Variants in VRK3 observed in about 807,000 individuals in gnomAD.
VRK3 encodes the protein VRK serine/threonine kinase 3.
In VRK3, 50 loss-of-function variants were observed where a neutral mutation model predicts 60.4. The ratio of observed to expected loss-of-function variants is 0.83; its 90% confidence interval spans 0.66 to 1.05. The LOEUF is 1.05. VRK3 is among the 50% of genes least tolerant of loss of function. The pLI is 0.00. For synonymous variants in VRK3, 246 were observed against 227.8 expected (o/e 1.08, Z -0.72); for missense variants, 549 against 585.3 (o/e 0.94, Z 0.64).
intron 11 of VRK3, 117 bp from the exon 12 acceptor site, chr19:49,988,609 C>A: frequency 1.4e-6 from 2 of 1,382,264 alleles, no homozygotes; most frequent in Admixed American, 2.6e-5. Context: ...ATACACCCAG[C>A]CTTCCAGCCA....
At chr19:50,017,434 C>T (rs1403895513) in intron 2 of VRK3, among the ~76,000 whole-genome samples, 3 of 146,602 alleles carry the variant, frequency 2.0e-5, no homozygotes, top group East Asian at 2.1e-4. Flanking sequence ...ATTAGCCAGG[C>T]GTGGTGGTGC....
intron 3 of VRK3, among the ~76,000 whole-genome samples, chr19:50,012,579 C>T (rs1018040299): frequency 2.0e-5 from 3 of 152,070 alleles, no homozygotes; most frequent in Non-Finnish European, 4.4e-5. Flanking sequence ...TCTAGGTTAG[C>T]ATTAGGAAAG....
intron 12 of VRK3, among the ~76,000 whole-genome samples, chr19:49,982,760 C>T (rs1191288838): frequency 6.6e-6 from 1 of 152,198 alleles, no homozygotes; most frequent in Non-Finnish European, 1.5e-5. Context: ...CATACACACA[C>T]ATACACATAT....
At chr19:50,014,254 C>T (rs369170238) in intron 3 of VRK3, among the ~76,000 whole-genome samples, 1 of 150,582 alleles carries the variant, frequency 6.6e-6, no homozygotes, top group East Asian at 1.9e-4. Flanking sequence ...GGTGACAGAG[C>T]GAGACTGTTT....
chr19:49,988,893 G>C (rs1403318399), intron 11 of VRK3, among the ~76,000 whole-genome samples: 1 of 152,198 alleles, frequency 6.6e-6, no homozygotes, highest in Non-Finnish European at 1.5e-5. Flanking sequence ...AAAGGACACA[G>C]AACACACGGG....
chr19:49,994,221 A>G (rs2076661490), intron 9 of VRK3, among the ~76,000 whole-genome samples: 1 of 152,090 alleles, frequency 6.6e-6, no homozygotes, highest in Admixed American at 6.6e-5. Context: ...TTCTATTCAG[A>G]GCACTTGTCA....
chr19:50,006,328 A>AAAT (rs915914623), intron 5 of VRK3, among the ~76,000 whole-genome samples: 8 of 151,400 alleles, frequency 5.3e-5, no homozygotes, highest in African/African-American at 1.5e-4. Flanking sequence ...AAAAAATAAT[A>AAAT]AATAATAATA....
chr19:50,007,243 C>T (rs1337355392), intron 5 of VRK3, among the ~76,000 whole-genome samples: 1 of 152,166 alleles, frequency 6.6e-6, no homozygotes, highest in Non-Finnish European at 1.5e-5. Context: ...CCATCCTTAA[C>T]ATGCAGCCCC....
chr19:50,023,873 G>T (rs574735637), intron 1 of VRK3, among the ~76,000 whole-genome samples: 1 of 152,350 alleles, frequency 6.6e-6, no homozygotes, highest in East Asian at 1.9e-4. Flanking sequence ...CTTAGAAGCA[G>T]ATCAGTACAG....
intron 7 of VRK3, 22 bp downstream of exon 7, chr19:49,997,482 T>C: frequency 2.5e-6 from 4 of 1,613,168 alleles, no homozygotes; most frequent in African/African-American, 1.3e-5. Context: ...CTCCCCTCCT[T>C]GCCCAGTTCC....
At chr19:50,022,591 G>C (rs2077188889) in intron 1 of VRK3, among the ~76,000 whole-genome samples, 1 of 151,940 alleles carries the variant, frequency 6.6e-6, no homozygotes, top group East Asian at 1.9e-4. Flanking sequence ...TTCCAGACCA[G>C]CCTGGACAAC....
At chr19:50,012,347 T>C (rs62115175) in intron 3 of VRK3, among the ~76,000 whole-genome samples, 304 of 152,318 alleles carry the variant, frequency 2.0e-3, no homozygotes, top group Admixed American at 5.2e-3. Flanking sequence ...GAAAAGCATG[T>C]TCCCTTATAT....
rs765395741 is a variant in VRK3 at position 50,000,863 on chromosome 19, GAACA to G, written c.548-13_548-10del. On this transcript the variant is annotated splice_polypyrimidine_tract_variant and intron_variant, in intron 5 of 14. Transcript: ENST00000316763. The stretch of plus-strand genomic sequence containing the variant: ...GGTGGAGGTGGGTGCAGCTGTGGGG[GAACA>G]AACAAGGGAGTGAGGTTATAACCAC... 28 of 1,611,986 alleles carry G rather than the reference GAACA, an allele frequency of 1.7e-5. No individual in the cohort carries two copies. In the South Asian group the frequency reaches 3.1e-4, roughly 18 times the overall value.
At chr19:49,981,305 G>T (rs1051511411) in intron 12 of VRK3, 84 of 368,176 alleles carry the variant, frequency 2.3e-4, no homozygotes, top group African/African-American at 1.6e-3. Flanking sequence ...CCAACACTTT[G>T]GGAGGCCGAG....
intron 11 of VRK3, 88 bp from the exon 12 acceptor site, chr19:49,988,580 C>A (rs2076558193): frequency 8.6e-6 from 13 of 1,512,768 alleles, no homozygotes; most frequent in Non-Finnish European, 1.1e-5. Flanking sequence ...CTCTCTCTCA[C>A]TGACTCAACC....
intron 10 of VRK3, 30 bp downstream of exon 10, chr19:49,992,830 C>A: frequency 6.2e-7 from 1 of 1,605,124 alleles, no homozygotes; most frequent in Non-Finnish European, 8.5e-7. Flanking sequence ...GCCCAGAGAT[C>A]TTCCAGAGTG....
At chr19:49,978,988 G>T in intron 14 of VRK3, 95 bp downstream of exon 14, 1 of 1,355,474 alleles carries the variant, frequency 7.4e-7, no homozygotes, top group Non-Finnish European at 9.9e-7. Flanking sequence ...TGGTATGAAC[G>T]TGGAACAGCC....
At chr19:49,997,638 C>A in intron 6 of VRK3, 68 bp from the exon 7 acceptor site, 3 of 1,571,584 alleles carry the variant, frequency 1.9e-6, no homozygotes, top group Non-Finnish European at 2.6e-6. Context: ...CCAGTCCCCA[C>A]TGGCAATTTG....
Position 49,984,675 on chromosome 19 carries a change from C to G in VRK3, c.1218-3662G>C, listed in dbSNP as rs143193735. ...TGAGACAGGGTCTCACTATGTTGCCCAGGCTGGAGTGCAGTGACAATCACA... is the reference window on the plus strand; with the variant it reads ...TGAGACAGGGTCTCACTATGTTGCCGAGGCTGGAGTGCAGTGACAATCACA... On this transcript the variant is annotated intron_variant, in intron 12 of 14. Coordinates refer to ENST00000316763, the MANE Select transcript of VRK3 (RefSeq NM_016440.4). 8.6e-3 allele frequency among the ~76,000 whole-genome samples: 1,307 copies of G among 152,264 alleles called. 16 individuals carry two copies. The highest frequency in any genetic ancestry group is 0.03 in the African/African-American group (1,228 of 41,536).
Sources: allele counts gnomAD v4.1 joint callset (sites outside exome capture counted in the v4.1 genomes callset), GRCh38; gene constraint gnomAD v4.1.1; transcripts MANE v1.5; gene names NCBI Gene and HGNC (gene_info 2026-07-23, HGNC 2026-07-21).